The following ITGA2B variants were observed in gnomAD, a reference collection of about 807,000 sequenced individuals.
ITGA2B encodes integrin alpha-IIb.
In ITGA2B, 91 loss-of-function variants were observed where a neutral mutation model predicts 142.0. That is an observed-to-expected ratio of 0.64 (90% CI 0.54 to 0.76). ITGA2B has a LOEUF of 0.76. Among genes scored for constraint, ITGA2B ranks in the 30% least tolerant of loss-of-function variants. The pLI, the probability that ITGA2B is intolerant of heterozygous loss-of-function variation, is 0.00. For missense variants in ITGA2B, 1,231 were observed against 1,350.8 expected, an observed-to-expected ratio of 0.91 and a Z score of 1.39; for synonymous variants, 536 against 567.2, an observed-to-expected ratio of 0.94 and a Z score of 0.78.
chr17:44,374,413 G>C lies in ITGA2B; in HGVS notation c.3001C>G (p.Leu1001Val). ...EERAIPIWWVLVGVLGGLLLL... is the reference protein window; with the variant it reads ...EERAIPIWWVVVGVLGGLLLL... ...AGCAGGCCACCCAGCACACCCACCA[G>C]CACCCACCAGATTGGAATGGCCCTC... Residue 1001 changes from leucine to valine, a missense_variant, in exon 29 of 30, where the codon CTG (leucine) becomes GTG (valine). This residue lies in a region of ITGA2B where 908 missense variants were observed against 1,021.1 expected (regional missense o/e 0.89). Transcript: ENST00000262407. The C allele has an allele frequency of 1.2e-6, 2 of 1,614,082 alleles. No individual in the cohort carries two copies. Among genetic ancestry groups the C allele is most frequent in the Non-Finnish European group, 1.7e-6 (2 of 1,179,992 alleles).
Position 44,385,563 on chromosome 17 carries a change from C to T in ITGA2B, c.562G>A (p.Glu188Lys), listed in dbSNP as rs776247029. The stretch of plus-strand genomic sequence containing the variant: ...AGCTGGCGCTTACTAAAATCATTTT[C>T]CACGTAAATGCGGCTCAGGGTGTTC... Reference protein sequence around the residue: ...RGNTLSRIYVENDFSWDKRYC... With the variant: ...RGNTLSRIYVKNDFSWDKRYC... The change falls in exon 4 of 30, where the codon GAA becomes AAA. Residue 188 changes from glutamate to lysine, a missense_variant. By Grantham distance (56) the Glu-to-Lys change is moderately conservative. Transcript: ENST00000262407. 1.9e-6 allele frequency: 3 copies of T among 1,587,940 alleles called. No individual in the cohort carries two copies. The highest frequency in any genetic ancestry group is 2.6e-6 in the Non-Finnish European group (3 of 1,170,340).
chr17:44,375,627 G>C lies in ITGA2B; in HGVS notation c.2691C>G (p.Pro897=). ...GATCCTGAAGCCTCGAGGGCTGCTCGGGCTCTGGCAGGAAGATCTGTCTGC... is the reference window on the plus strand; with the variant it reads ...GATCCTGAAGCCTCGAGGGCTGCTCCGGCTCTGGCAGGAAGATCTGTCTGC... ...RDRRQIFLPE[P]EQPSRLQDPV... Residue 897 remains proline (P), a synonymous_variant, in exon 26 of 30, where the codon CCC becomes CCG. Coordinates refer to ENST00000262407, the MANE Select transcript of ITGA2B (RefSeq NM_000419.5). 1 of 1,613,848 alleles carries C rather than the reference G, an allele frequency of 6.2e-7. No individual in the cohort carries two copies. The highest frequency in any genetic ancestry group is 1.7e-5 in the Admixed American group (1 of 59,988).
intron 21 of ITGA2B, 53 bp from the exon 22 acceptor site, chr17:44,377,141 C>T: frequency 7.4e-7 from 1 of 1,353,336 alleles, no homozygotes. Context: ...CTTAGGACAG[C>T]CCTGCCCTGA....
intron 26 of ITGA2B, 192 bp from the exon 27 acceptor site, chr17:44,375,303 T>G: frequency 4.6e-6 from 3 of 655,130 alleles, no homozygotes; most frequent in Non-Finnish European, 8.2e-6. Context: ...GTCCCAGAGA[T>G]GCAGGGAGGG....
chr17:44,382,694 G>T (rs551810111), intron 12 of ITGA2B, among the ~76,000 whole-genome samples: 2 of 152,110 alleles, frequency 1.3e-5, no homozygotes, highest in South Asian at 4.2e-4. Flanking sequence ...TCTTGCTAAA[G>T]CCCATGAATA....
rs899843623 is a variant in ITGA2B at position 44,381,008 on chromosome 17, C to T, written c.1264G>A (p.Val422Met). ...AGCCCCTCACTCTGACCCAGGAACA[C>T]CAGCACTTGGCCCCGGCCACTGGGA... ...GGPSGRGQVL[V>M]FLGQSEGLRS... Residue 422 changes from valine (V) to methionine (M), a missense_variant, in exon 13 of 30, where the codon GTG becomes ATG. Transcript: ENST00000262407. The T allele has an allele frequency of 4.9e-5, 79 of 1,613,180 alleles. No individual in the cohort carries two copies. Among genetic ancestry groups the T allele is most frequent in the Non-Finnish European group, 6.7e-5 (79 of 1,179,492 alleles).
chr17:44,375,929 C>T lies in ITGA2B; in HGVS notation c.2505G>A (p.Pro835=), dbSNP rs1469095251. 6 of 1,613,738 alleles carry T rather than the reference C, an allele frequency of 3.7e-6. No homozygotes were observed. Among genetic ancestry groups the T allele is most frequent in the East Asian group, 2.2e-5 (1 of 44,874 alleles). ...GCAGGTCGGAGGGCTGGGACTGTCC[C>T]GGAAGGTGGATGCTGAGGTGAAGAC... ...VNGLHLSIHL[P]GQSQPSDLLY... Residue 835 remains proline, a synonymous_variant, in exon 25 of 30, where the codon CCG becomes CCA. Coordinates refer to ENST00000262407, the MANE Select transcript of ITGA2B (RefSeq NM_000419.5).
Position 44,385,870 on chromosome 17 carries a change from C to A in ITGA2B, c.362G>T (p.Arg121Leu). The change falls in exon 3 of 30, where the codon CGC becomes CTC. Residue 121 changes from arginine (R) to leucine (L), a missense_variant. Arg to Leu is a moderately radical substitution (Grantham distance 102). Around this residue, in one of 3 missense-constraint regions of ITGA2B, gnomAD observed 318 missense variants for 312.2 expected, o/e 1.02. Transcript: ENST00000262407. ...GACGACCGACGCCCCCAGTCCTTGG[C>A]GGGCCTTGAAGGTTTGTAAAGTTTG... ...GSQTLQTFKARQGLGASVVSW... is the reference protein window; with the variant it reads ...GSQTLQTFKALQGLGASVVSW... 1 of 1,606,374 alleles carries A rather than the reference C, an allele frequency of 6.2e-7. No homozygotes were observed. Among genetic ancestry groups the A allele is most frequent in the East Asian group, 2.2e-5 (1 of 44,660 alleles).
chr17:44,373,524 T>C (rs1222385614), intron 29 of ITGA2B, among the ~76,000 whole-genome samples: 1 of 152,210 alleles, frequency 6.6e-6, no homozygotes, highest in Non-Finnish European at 1.5e-5. Flanking sequence ...GTGCGTGGTT[T>C]TCCCTAAAAG....
chr17:44,383,765 A>C (rs1249697994), intron 11 of ITGA2B, 61 bp from the exon 12 acceptor site: 41 of 1,550,336 alleles, frequency 2.6e-5, no homozygotes, highest in Non-Finnish European at 3.3e-5. Flanking sequence ...GCTAGGGCCA[A>C]ATCTCCTCGA....
At position 44,377,030 on chromosome 17, in the gene ITGA2B, GAC is replaced by G. The variant is rs897594811; in HGVS notation, c.2244_2245del (p.Ser749LeufsTer49). The G allele has an allele frequency of 3.1e-6, 5 of 1,592,786 alleles. No individual in the cohort carries two copies. The highest frequency in any genetic ancestry group is 1.3e-5 in the African/African-American group (1 of 74,578). ...GTACCTCCGTATCTGCAGCTGGAAGGACACAGACTCCCCAGCCTCTTCCAGAT... is the reference window on the plus strand; with the variant it reads ...GTACCTCCGTATCTGCAGCTGGAAGGACAGACTCCCCAGCCTCTTCCAGAT... On this transcript the variant is annotated frameshift_variant, in exon 22 of 30. Transcript: ENST00000262407. LOFTEE classifies it high-confidence loss of function.
At chr17:44,379,901 C>T in intron 17 of ITGA2B, 87 bp from the exon 18 acceptor site, 1 of 1,612,618 alleles carries the variant, frequency 6.2e-7, no homozygotes, top group Non-Finnish European at 8.5e-7. Flanking sequence ...CTGACCACCC[C>T]CGGACTCACA....
chr17:44,378,764 G>C, intron 18 of ITGA2B, 54 bp from the exon 19 acceptor site: 1 of 1,497,350 alleles, frequency 6.7e-7, no homozygotes, highest in Admixed American at 2.0e-5. Flanking sequence ...GAGGTTTAGG[G>C]ATTACATCAG....
At position 44,372,281 on chromosome 17, in the gene ITGA2B, A is replaced by G; in HGVS notation, c.*83T>C. 1 of 1,454,638 alleles carries G rather than the reference A, an allele frequency of 6.9e-7. No homozygotes were observed. The highest frequency in any genetic ancestry group is 1.7e-4 in the Middle Eastern group (1 of 5,732). 90.1% of individuals were successfully genotyped at this position (1,454,638 alleles called of 1,614,324 possible). A position where few individuals can be genotyped will look rare whatever the true frequency, so the allele number is the denominator to read the frequency against. ...GGACCCAATGGAACAGCTCCAACCC[A>G]AAGCTTGGAGGCAACTTGTTGGAGA... On this transcript the variant is annotated 3_prime_UTR_variant, in exon 30 of 30. Coordinates refer to ENST00000262407, the MANE Select transcript of ITGA2B (RefSeq NM_000419.5).
chr17:44,384,441 G>C, intron 8 of ITGA2B, 87 bp from the exon 9 acceptor site: 1 of 1,605,366 alleles, frequency 6.2e-7, no homozygotes, highest in Non-Finnish European at 8.5e-7. Context: ...AGGGAAAAAT[G>C]TGTGTGCAGG....
intron 12 of ITGA2B, among the ~76,000 whole-genome samples, chr17:44,382,410 A>G (rs781263112): frequency 8.6e-5 from 13 of 151,088 alleles, no homozygotes; most frequent in Non-Finnish European, 1.5e-4. Context: ...ACCTTACCCC[A>G]TTGCATTCTG....
chr17:44,384,401 T>C, intron 8 of ITGA2B, 47 bp from the exon 9 acceptor site: 1 of 1,610,786 alleles, frequency 6.2e-7, no homozygotes, highest in Non-Finnish European at 8.5e-7. Flanking sequence ...CCTTAGAACC[T>C]ACCCACTTCC....
rs201702898 is a variant in ITGA2B at position 44,375,996 on chromosome 17, G to A, written c.2449-11C>T. 1.3e-4 allele frequency: 206 copies of A among 1,614,104 alleles called. No homozygotes were observed. The highest frequency in any genetic ancestry group is 9.6e-4 in the African/African-American group (72 of 75,020). ...GCCATTGTTGTGGAGCTGAAGGGGT[G>A]GTGGTGGCAGGGTGTGGGGAGCTTA... On this transcript the variant is annotated splice_polypyrimidine_tract_variant and intron_variant, in intron 24 of 29. Transcript: ENST00000262407.
chr17:44,387,962 T>C (rs1480345372), intron 1 of ITGA2B, among the ~76,000 whole-genome samples: 1 of 152,008 alleles, frequency 6.6e-6, no homozygotes, highest in African/African-American at 2.4e-5. Flanking sequence ...CACTTCTCAT[T>C]GATCAGACAC....
Sources: gnomAD v4.1 joint callset for allele counts (sites outside exome capture counted in the v4.1 genomes callset) on GRCh38, gnomAD v4.1.1 for gene constraint, gnomAD v4.1.1 regional missense constraint, MANE v1.5 for transcripts, NCBI Gene and HGNC (gene_info 2026-07-23, HGNC 2026-07-21) for gene names.